SEMA3C: variants seen among roughly 807,000 people sequenced by gnomAD.
The protein encoded by SEMA3C is semaphorin 3C, also known as semaphorin-3C.
Under a neutral mutation model 89.4 loss-of-function variants are expected in SEMA3C, and 47 were observed. The observed-to-expected ratio is 0.53, with a 90% CI of 0.42 to 0.67. The LOEUF (loss-of-function observed/expected upper bound fraction) is 0.67, where lower values mean the gene tolerates loss of function less well. Ranked by LOEUF, SEMA3C falls within the 30% of genes least tolerant of loss-of-function variation. The pLI, the probability that SEMA3C is intolerant of heterozygous loss-of-function variation, is 0.00. For synonymous variants in SEMA3C, 310 were observed against 320.2 expected, an observed-to-expected ratio of 0.97 and a Z score of 0.34; for missense variants, 839 against 929.1, an observed-to-expected ratio of 0.90 and a Z score of 1.26.
chr7:80,777,078 C>A (rs575035290), intron 12 of SEMA3C, among the ~76,000 whole-genome samples: 2 of 152,066 alleles, frequency 1.3e-5, no homozygotes, highest in Non-Finnish European at 2.9e-5. Context: ...CAGGCTTATA[C>A]ATATTTTATC....
chr7:80,770,503 A>G (rs1251662557), intron 12 of SEMA3C, among the ~76,000 whole-genome samples: 1 of 152,178 alleles, frequency 6.6e-6, no homozygotes, highest in African/African-American at 2.4e-5. Flanking sequence ...TTTAAACCTC[A>G]CTTTGCTATT....
chr7:80,754,192 C>T (rs928880701), intron 15 of SEMA3C, among the ~76,000 whole-genome samples: 1 of 152,204 alleles, frequency 6.6e-6, no homozygotes, highest in Non-Finnish European at 1.5e-5. Flanking sequence ...CTGCCTCGGC[C>T]TCGCAAAGTG....
In SEMA3C at chr7:80,906,472, AG is replaced by A. The variant is rs1173541639; in HGVS notation, c.103+10206del. The stretch of plus-strand genomic sequence containing the variant: ...CATTCCATCAGCACCTGGGCTCTGA[AG>A]CTTTCACCATTTCATGAATAATTCC... On this transcript the variant is annotated intron_variant, in intron 2 of 17. Transcript: ENST00000265361. Among the ~76,000 whole-genome samples, 3 of 152,304 alleles carry A rather than the reference AG, an allele frequency of 2.0e-5. No homozygotes were observed. The East Asian group carries it at 5.8e-4, about 29-fold the overall frequency.
chr7:80,888,510 A>G (rs1240530708), intron 2 of SEMA3C, among the ~76,000 whole-genome samples: 1 of 152,160 alleles, frequency 6.6e-6, no homozygotes, highest in Non-Finnish European at 1.5e-5. Flanking sequence ...TGGTTCTTAC[A>G]AGGTTGTTGA....
upstream of SEMA3C, chr7:80,922,329 A>G (rs1478200135): frequency 1.5e-5 from 19 of 1,274,920 alleles, no homozygotes; most frequent in East Asian, 1.0e-3. Flanking sequence ...CTCAACTTCC[A>G]TATGCCATCC....
intron 2 of SEMA3C, among the ~76,000 whole-genome samples, chr7:80,842,496 C>T (rs537875474): frequency 6.6e-6 from 1 of 152,208 alleles, no homozygotes; most frequent in South Asian, 2.1e-4. Context: ...AAACATTAGC[C>T]ATGACTTTCT....
chr7:80,780,914 T>C (rs1260958011), intron 12 of SEMA3C, among the ~76,000 whole-genome samples: 1 of 151,932 alleles, frequency 6.6e-6, no homozygotes, highest in East Asian at 1.9e-4. Context: ...TACCTTAGAG[T>C]TCTGTAAACT....
chr7:80,849,323 T>C (rs1465308165), intron 2 of SEMA3C, among the ~76,000 whole-genome samples: 1 of 151,126 alleles, frequency 6.6e-6, no homozygotes, highest in Non-Finnish European at 1.5e-5. Context: ...TTAGTAAAAC[T>C]CCGATGCTTT....
chr7:80,922,353 G>A (rs1244937592), upstream of SEMA3C: 8 of 1,200,542 alleles, frequency 6.7e-6, no homozygotes, highest in African/African-American at 1.6e-5. Flanking sequence ...TAAGTTTCCT[G>A]AACTGTATCT....
Position 80,828,587 on chromosome 7 carries a change from T to C in SEMA3C, c.262A>G (p.Ser88Gly). 1.2e-6 allele frequency: 2 copies of C among 1,605,156 alleles called. No individual in the cohort carries two copies. The highest frequency in any genetic ancestry group is 1.7e-6 in the Non-Finnish European group (2 of 1,174,742). ...NINNISQEAL[S>G]VFWPASTIKV... ...CCTCGTGAAAGTGATAAACTTACAC[T>C]CAAAGCTTCTTGACTTATATTGTTA... The change falls in exon 3 of 18, where the codon AGT becomes GGT. Residue 88 changes from serine (S) to glycine (G), a missense_variant and splice_region_variant. By Grantham distance (56) the Ser-to-Gly change is moderately conservative (BLOSUM62 0). Transcript: ENST00000265361.
In SEMA3C at chr7:80,744,971, C is replaced by G. The variant is rs761367596; in HGVS notation, c.2179G>C (p.Gly727Arg). 7.4e-6 allele frequency: 12 copies of G among 1,614,064 alleles called. No individual in the cohort carries two copies. The highest frequency in any genetic ancestry group is 1.0e-5 in the Non-Finnish European group (12 of 1,179,970). Residue 727 changes from glycine to arginine, a missense_variant, in exon 18 of 18, where the codon GGG becomes CGG. Coordinates refer to ENST00000265361, the MANE Select transcript of SEMA3C (RefSeq NM_006379.5). ...AGGGCCTTTAACTTGCCATAGTCCC[C>G]TCTCATTTTCTGTGATTCATCTCCC... is the stretch of plus-strand genomic sequence containing the variant. ...QQGDESQKMR[G>R]DYGKLKALIN...
intron 2 of SEMA3C, among the ~76,000 whole-genome samples, chr7:80,832,848 C>T (rs1018800230): frequency 3.3e-5 from 5 of 152,114 alleles, no homozygotes; most frequent in African/African-American, 1.2e-4. Flanking sequence ...AGTTTTTAGG[C>T]ACCTTGAATT....
At chr7:80,921,789 C>G (rs1792413937), upstream of SEMA3C, among the ~76,000 whole-genome samples, 1 of 152,110 alleles carries the variant, frequency 6.6e-6, no homozygotes, top group African/African-American at 2.4e-5. Context: ...CTCTGCCTGC[C>G]AAGGTGTAGT....
intron 2 of SEMA3C, among the ~76,000 whole-genome samples, chr7:80,913,786 C>G (rs1294523580): frequency 6.6e-6 from 1 of 152,172 alleles, no homozygotes; most frequent in Non-Finnish European, 1.5e-5. Context: ...TGCCCTAGAT[C>G]AACAGGGAAG....
At chr7:80,870,070 C>T (rs893075857) in intron 2 of SEMA3C, among the ~76,000 whole-genome samples, 2 of 152,134 alleles carry the variant, frequency 1.3e-5, no homozygotes, top group African/African-American at 4.8e-5. Flanking sequence ...TGGTAGGGTC[C>T]ACTGTCCTCC....
At chr7:80,898,752 T>A (rs893375395) in intron 2 of SEMA3C, among the ~76,000 whole-genome samples, 13 of 149,964 alleles carry the variant, frequency 8.7e-5, no homozygotes, top group Non-Finnish European at 1.6e-4. Flanking sequence ...TTTTTCACAA[T>A]AATTATGCAA....
At chr7:80,899,231 G>C (rs1562976207) in intron 2 of SEMA3C, among the ~76,000 whole-genome samples, 1 of 152,116 alleles carries the variant, frequency 6.6e-6, no homozygotes, top group Admixed American at 6.5e-5. Context: ...AGTAGAGACA[G>C]GGTTTTACCA....
In SEMA3C at chr7:80,820,112, C is replaced by T. The variant is rs985656838; in HGVS notation, c.328-1694G>A. Among the ~76,000 whole-genome samples, 11 of 137,888 alleles carry T rather than the reference C, an allele frequency of 8.0e-5. No homozygotes were observed. The East Asian group carries it at 8.6e-4, about 11-fold the overall frequency. 90.5% of individuals were successfully genotyped at this position (137,888 alleles called of 152,430 possible). A position where few individuals can be genotyped will look rare whatever the true frequency, so the allele number is the denominator to read the frequency against. On this transcript the variant is annotated intron_variant, in intron 4 of 17. Coordinates refer to ENST00000265361, the MANE Select transcript of SEMA3C (RefSeq NM_006379.5). Reference sequence around the variant, plus strand: ...TTGCTCTGTTGCCCAGGCTGGTGTGCTGTGGCGTGATCTCAGCTCACTGCA... The same window carrying T: ...TTGCTCTGTTGCCCAGGCTGGTGTGTTGTGGCGTGATCTCAGCTCACTGCA...
intron 11 of SEMA3C, among the ~76,000 whole-genome samples, chr7:80,794,035 A>T (rs966615247): frequency 2.0e-5 from 3 of 152,030 alleles, no homozygotes; most frequent in African/African-American, 7.2e-5. Context: ...AAAATTACAT[A>T]GTTGAAGACT....
Sources: gnomAD v4.1 joint callset for allele counts (sites outside exome capture counted in the v4.1 genomes callset) on GRCh38, gnomAD v4.1.1 for gene constraint, MANE v1.5 for transcripts, NCBI Gene and HGNC (gene_info 2026-07-23, HGNC 2026-07-21) for gene names.